The following LY96 variants were observed in gnomAD, a reference collection of about 807,000 sequenced individuals.
LY96 encodes myeloid differentiation protein-2.
A neutral mutation model predicts 18.9 loss-of-function variants in LY96; 18 were observed. The observed-to-expected ratio is 0.95, with a 90% confidence interval of 0.66 to 1.41. The LOEUF (loss-of-function observed/expected upper bound fraction) is 1.41. Among genes scored for constraint, LY96 ranks in the 40% most tolerant of loss-of-function variants. The pLI, the probability that LY96 is intolerant of heterozygous loss-of-function variation, is 0.00. For missense variants in LY96, 175 were observed against 182.4 expected (o/e 0.96, Z 0.23); for synonymous variants, 66 against 62.6 (o/e 1.06, Z -0.26).
chr8:74,090,931 G>C, the LY96 span, among the ~76,000 whole-genome samples: 3 of 152,238 alleles, frequency 2.0e-5, no homozygotes, highest in Non-Finnish European at 4.4e-5. Context: ...GCATGCTGCA[G>C]ATGCCCTCAA....
At chr8:74,089,619 A>G in the LY96 span, among the ~76,000 whole-genome samples, 8 of 152,188 alleles carry the variant, frequency 5.3e-5, 1 homozygote, top group African/African-American at 1.4e-4. Flanking sequence ...GGCTCTGGAG[A>G]TTCCAAAGTT....
chr8:74,062,247 A>T, the LY96 span, among the ~76,000 whole-genome samples: 1 of 151,762 alleles, frequency 6.6e-6, no homozygotes, highest in Admixed American at 6.6e-5. Context: ...GCTAATTTTT[A>T]TTTTTAGTTC....
chr8:74,037,752 A>G, the LY96 span, among the ~76,000 whole-genome samples: 7 of 152,174 alleles, frequency 4.6e-5, no homozygotes, highest in Non-Finnish European at 4.4e-5. Context: ...CTTTCTGGTT[A>G]TTGCTTTAGT....
the LY96 span, among the ~76,000 whole-genome samples, chr8:74,045,890 A>G: frequency 6.6e-6 from 1 of 152,182 alleles, no homozygotes; most frequent in Admixed American, 6.5e-5. Context: ...CCAGAAGACA[A>G]GAGAGCCAGC....
chr8:74,051,046 C>T, the LY96 span, among the ~76,000 whole-genome samples: 1 of 151,990 alleles, frequency 6.6e-6, no homozygotes, highest in African/African-American at 2.4e-5. Flanking sequence ...TTATCTAAGA[C>T]CCATAAGATA....
chr8:74,010,049 C>A lies in LY96; in HGVS notation c.251C>A (p.Thr84Asn), dbSNP rs199845476. ...LYFNLYITVNTMNLPKRKEVI... is the reference protein window; with the variant it reads ...LYFNLYITVNNMNLPKRKEVI... ...TTCAATCTCTATATAACTGTCAACACCATGAATCTTCCAAAGCGCAAAGAA... is the reference window on the plus strand; with the variant it reads ...TTCAATCTCTATATAACTGTCAACAACATGAATCTTCCAAAGCGCAAAGAA... Residue 84 changes from threonine (T) to asparagine (N), a missense_variant, in exon 3 of 5, where the codon ACC becomes AAC. By Grantham distance (65) the Thr-to-Asn change is moderately conservative. Transcript: ENST00000284818. 2.5e-6 allele frequency: 4 copies of A among 1,609,128 alleles called. No homozygotes were observed. In the African/African-American group the frequency reaches 5.3e-5, roughly 22 times the overall value.
chr8:74,002,914 C>A (rs1348049131), intron 1 of LY96, among the ~76,000 whole-genome samples: 1 of 152,164 alleles, frequency 6.6e-6, no homozygotes, highest in Non-Finnish European at 1.5e-5. Flanking sequence ...AAAATGTTTT[C>A]TTTCTTCTTG....
the LY96 span, chr8:74,079,471 C>G: frequency 1.6e-4 from 24 of 152,100 alleles, no homozygotes; most frequent in Non-Finnish European, 7.3e-5. Flanking sequence ...ATACTGGTCT[C>G]CATTAAAAGC....
chr8:74,033,508 G>A (rs1010214350), downstream of LY96, among the ~76,000 whole-genome samples: 6 of 152,162 alleles, frequency 3.9e-5, no homozygotes, highest in Non-Finnish European at 7.4e-5. Context: ...GCTCCCTGAC[G>A]AATGCAAGGA....
chr8:74,072,134 C>T, the LY96 span, among the ~76,000 whole-genome samples: 19 of 152,182 alleles, frequency 1.2e-4, no homozygotes, highest in East Asian at 3.1e-3. Context: ...TTTTACTCTA[C>T]CATCCATTGA....
At chr8:74,055,096 T>TA in the LY96 span, among the ~76,000 whole-genome samples, 3 of 151,852 alleles carry the variant, frequency 2.0e-5, no homozygotes, top group Admixed American at 1.3e-4. Context: ...TGTCTAGAGA[T>TA]AGAGTTTTGC....
chr8:74,037,994 TA>T, the LY96 span, among the ~76,000 whole-genome samples: 68 of 152,250 alleles, frequency 4.5e-4, no homozygotes, highest in Non-Finnish European at 9.1e-4. Context: ...TGTTTTGTTT[TA>T]AAAAAAATTT....
the LY96 span, among the ~76,000 whole-genome samples, chr8:74,085,815 A>G: frequency 6.6e-6 from 1 of 152,230 alleles, no homozygotes; most frequent in Non-Finnish European, 1.5e-5. Context: ...ATACATATAC[A>G]TTGTGAAATC....
At chr8:74,081,034 CTTTCT>C in the LY96 span, among the ~76,000 whole-genome samples, 2 of 118,528 alleles carry the variant, frequency 1.7e-5, no homozygotes, top group Admixed American at 8.2e-5. Context: ...TTCTTTCTTT[CTTTCT>C]TTCTTTCTTT....
the LY96 span, among the ~76,000 whole-genome samples, chr8:74,096,663 A>G: frequency 6.6e-6 from 1 of 152,080 alleles, no homozygotes; most frequent in Non-Finnish European, 1.5e-5. Flanking sequence ...ATTGTCAGCC[A>G]TTTCCCACTA....
the LY96 span, among the ~76,000 whole-genome samples, chr8:74,097,190 A>G: frequency 6.6e-6 from 1 of 152,126 alleles, no homozygotes; most frequent in Non-Finnish European, 1.5e-5. Context: ...ATGCATGGAG[A>G]TGATCATGGG....
the LY96 span, among the ~76,000 whole-genome samples, chr8:74,039,618 G>A: frequency 1.3e-5 from 2 of 152,168 alleles, no homozygotes; most frequent in African/African-American, 4.8e-5. Context: ...TTGATAAGGT[G>A]AAGCAAGTCA....
chr8:74,045,451 A>T, the LY96 span, among the ~76,000 whole-genome samples: 3 of 152,214 alleles, frequency 2.0e-5, no homozygotes, highest in African/African-American at 4.8e-5. Context: ...CTGTTTAAAA[A>T]ATCCAAAATA....
chr8:74,002,924 G>C (rs1293663623), intron 1 of LY96, among the ~76,000 whole-genome samples: 1 of 152,130 alleles, frequency 6.6e-6, no homozygotes, highest in Non-Finnish European at 1.5e-5. Flanking sequence ...CTTTCTTCTT[G>C]TTGAAATTCT....
Sources: allele counts gnomAD v4.1 joint callset (sites outside exome capture counted in the v4.1 genomes callset), GRCh38; gene constraint gnomAD v4.1.1; transcripts MANE v1.5; gene names NCBI Gene and HGNC (gene_info 2026-07-23, HGNC 2026-07-21).